Variants in KLHL32 observed in about 807,000 individuals in gnomAD.
KLHL32 encodes the protein kelch like family member 32.
In KLHL32, 35 loss-of-function variants were observed where a neutral mutation model predicts 64.8. The ratio of observed to expected loss-of-function variants is 0.54; its 90% confidence interval spans 0.41 to 0.72. The LOEUF (loss-of-function observed/expected upper bound fraction) is 0.72, where lower values mean the gene tolerates loss of function less well. KLHL32 is among the 30% of genes least tolerant of loss of function. The pLI is 0.00. For missense variants in KLHL32, 589 were observed against 768.5 expected, an observed-to-expected ratio of 0.77 and a Z score of 2.76; for synonymous variants, 259 against 281.0, an observed-to-expected ratio of 0.92 and a Z score of 0.78.
chr6:97,128,736 G>C (rs1308779345), intron 8 of KLHL32, among the ~76,000 whole-genome samples: 1 of 152,218 alleles, frequency 6.6e-6, no homozygotes, highest in Non-Finnish European at 1.5e-5. Context: ...TAGCTTATTA[G>C]GAATGACCCC....
intron 6 of KLHL32, among the ~76,000 whole-genome samples, chr6:97,109,243 G>C (rs995924090): frequency 1.3e-5 from 2 of 152,040 alleles, no homozygotes; most frequent in African/African-American, 4.8e-5. Context: ...CTTTGATCTG[G>C]AAAAAAATAT....
At chr6:97,058,936 A>C (rs1788441100) in intron 4 of KLHL32, among the ~76,000 whole-genome samples, 1 of 152,246 alleles carries the variant, frequency 6.6e-6, no homozygotes, top group Non-Finnish European at 1.5e-5. Flanking sequence ...ATACACAAGC[A>C]TTCTTTTGGT....
At position 97,130,957 on chromosome 6, in the gene KLHL32, C is replaced by A; in HGVS notation, c.1606+8C>A. The A allele has an allele frequency of 6.2e-7, 1 of 1,604,552 alleles. No homozygotes were observed. The highest frequency in any genetic ancestry group is 1.7e-5 in the Admixed American group (1 of 59,102). ...ATTTCAACCTGCTGACTGGCAAGTACCTTTGATTAAGTAAATCAGGAAAAG... is the reference window on the plus strand; with the variant it reads ...ATTTCAACCTGCTGACTGGCAAGTAACTTTGATTAAGTAAATCAGGAAAAG... On this transcript the variant is annotated splice_region_variant and intron_variant, in intron 9 of 10. Coordinates refer to ENST00000369261, the MANE Select transcript of KLHL32 (RefSeq NM_052904.4).
intron 5 of KLHL32, 64 bp downstream of exon 5, chr6:97,064,790 C>A: frequency 7.6e-7 from 1 of 1,320,466 alleles, no homozygotes; most frequent in Non-Finnish European, 1.1e-6. Context: ...CATAAGCTGG[C>A]CCCCAACAAC....
chr6:97,063,723 C>T (rs1231584471), intron 4 of KLHL32, among the ~76,000 whole-genome samples: 1 of 152,106 alleles, frequency 6.6e-6, no homozygotes, highest in African/African-American at 2.4e-5. Flanking sequence ...TGGGAGGCTC[C>T]CAAGAGTTTG....
chr6:97,085,025 C>A, intron 5 of KLHL32, 101 bp from the exon 6 acceptor site: 1 of 931,250 alleles, frequency 1.1e-6, no homozygotes, highest in Non-Finnish European at 1.7e-6. Flanking sequence ...TCTCCCACCA[C>A]TGTGATGAAA....
rs535367036 is a variant in KLHL32 at position 97,033,744 on chromosome 6, G to T, written c.205-7748G>T. On this transcript the variant is annotated intron_variant, in intron 3 of 10. Transcript: ENST00000369261. ...AACGGGTGTGAGGAGACCCCTCATT[G>T]TGGTTTTTACTTGCTTTTCCCTGAT... is the stretch of plus-strand genomic sequence containing the variant. Among the ~76,000 whole-genome samples the T allele has an allele frequency of 4.6e-5, 7 of 152,166 alleles. No homozygotes were observed. The South Asian group carries it at 1.2e-3, about 27-fold the overall frequency.
the KLHL32 span, among the ~76,000 whole-genome samples, chr6:96,901,652 G>A: frequency 2.0e-5 from 3 of 152,096 alleles, no homozygotes; most frequent in Non-Finnish European, 4.4e-5. Flanking sequence ...TTTAGATGAC[G>A]GTTTGCTGCA....
At chr6:97,104,537 A>G (rs555213009) in intron 6 of KLHL32, among the ~76,000 whole-genome samples, 2 of 152,348 alleles carry the variant, frequency 1.3e-5, no homozygotes, top group East Asian at 3.9e-4. Flanking sequence ...TATTGTTTTA[A>G]AAATCTGTCA....
At chr6:97,129,490 G>T (rs1231940427) in intron 8 of KLHL32, among the ~76,000 whole-genome samples, 2 of 152,148 alleles carry the variant, frequency 1.3e-5, no homozygotes, top group Non-Finnish European at 2.9e-5. Flanking sequence ...TACAATGAGA[G>T]CCTTATTTTA....
the KLHL32 span, among the ~76,000 whole-genome samples, chr6:96,910,770 G>T: frequency 6.6e-6 from 1 of 151,958 alleles, no homozygotes; most frequent in Non-Finnish European, 1.5e-5. Context: ...TTTTAATCTG[G>T]ATTACCATGA....
At chr6:97,041,717 A>G (rs1562272193) in intron 4 of KLHL32, 118 bp downstream of exon 4, 3 of 605,662 alleles carry the variant, frequency 5.0e-6, no homozygotes, top group East Asian at 5.7e-5. Context: ...GATGTTAAAA[A>G]TAAGATTCAC....
At chr6:96,903,853 A>G in the KLHL32 span, among the ~76,000 whole-genome samples, 9 of 152,240 alleles carry the variant, frequency 5.9e-5, no homozygotes, top group Non-Finnish European at 5.9e-5. Flanking sequence ...TATGGCAAAT[A>G]TCGTATTGAC....
chr6:96,902,362 C>CT, the KLHL32 span, among the ~76,000 whole-genome samples: 1 of 152,042 alleles, frequency 6.6e-6, no homozygotes, highest in African/African-American at 2.4e-5. Flanking sequence ...TGATATTGAG[C>CT]TTTTTTTCAT....
intron 5 of KLHL32, among the ~76,000 whole-genome samples, chr6:97,079,555 C>A (rs986340062): frequency 6.6e-6 from 1 of 151,948 alleles, no homozygotes; most frequent in Admixed American, 6.6e-5. Flanking sequence ...GGGAAAGAGG[C>A]CACACAGAAA....
chr6:96,952,647 A>T (rs1470814708), intron 1 of KLHL32, among the ~76,000 whole-genome samples: 1 of 152,172 alleles, frequency 6.6e-6, no homozygotes, highest in African/African-American at 2.4e-5. Flanking sequence ...CAAGATTAGG[A>T]TTGTGAGAGG....
intron 3 of KLHL32, among the ~76,000 whole-genome samples, chr6:96,992,554 A>G (rs1389781909): frequency 6.6e-6 from 1 of 152,188 alleles, no homozygotes; most frequent in African/African-American, 2.4e-5. Context: ...AAATGATTTG[A>G]TTTCGCACAT....
chr6:96,963,860 G>A (rs1774140666), intron 1 of KLHL32, among the ~76,000 whole-genome samples: 1 of 152,230 alleles, frequency 6.6e-6, no homozygotes, highest in Admixed American at 6.5e-5. Flanking sequence ...AGAGCTCAGA[G>A]GAGCCTGACT....
At chr6:97,040,158 G>T (rs9487820) in intron 3 of KLHL32, among the ~76,000 whole-genome samples, 26,194 of 151,826 alleles carry the variant, frequency 0.17, 2,622 homozygotes, top group African/African-American at 0.29. Flanking sequence ...GGTTTTTTTG[G>T]TTTTGTTTTT....
Sources: gnomAD v4.1 joint callset for allele counts (sites outside exome capture counted in the v4.1 genomes callset) on GRCh38, gnomAD v4.1.1 for gene constraint, MANE v1.5 for transcripts, NCBI Gene and HGNC (gene_info 2026-07-23, HGNC 2026-07-21) for gene names.